The following CLASP1 variants were observed in gnomAD, a reference collection of about 807,000 sequenced individuals.
The protein encoded by CLASP1 is cytoplasmic linker associated protein 1, also known as CLIP-associating protein 1.
Under a neutral mutation model 192.3 loss-of-function variants are expected in CLASP1, and 38 were observed. That is an observed-to-expected ratio of 0.20 (90% CI 0.15 to 0.26). The LOEUF (loss-of-function observed/expected upper bound fraction) is 0.26, where lower values mean the gene tolerates loss of function less well. CLASP1 is among the 10% of genes least tolerant of loss of function. CLASP1 has a pLI of 1.00. For missense variants in CLASP1, 1,433 were observed against 1,932.5 expected (o/e 0.74, Z 4.85); for synonymous variants, 691 against 712.8 (o/e 0.97, Z 0.49).
chr2:121,607,700 G>A (rs1204488014), intron 1 of CLASP1, among the ~76,000 whole-genome samples: 1 of 152,098 alleles, frequency 6.6e-6, no homozygotes, highest in Non-Finnish European at 1.5e-5. Context: ...TTTCACACCA[G>A]TAGTAAGTCC....
Position 121,530,331 on chromosome 2 carries a change from G to C in CLASP1, c.196-6C>G. ...TCCATGCCCAGCAGAACCACCTGCA[G>C]CGGGAAACACCGGGAGCCTGTTAGC... On this transcript the variant is annotated splice_region_variant and splice_polypyrimidine_tract_variant and intron_variant, in intron 2 of 39. Transcript: ENST00000263710. The C allele has an allele frequency of 6.5e-7, 1 of 1,548,946 alleles. No individual in the cohort carries two copies.
chr2:121,455,240 CT>C (rs1490833952), intron 14 of CLASP1, among the ~76,000 whole-genome samples: 2 of 152,140 alleles, frequency 1.3e-5, no homozygotes. Flanking sequence ...GATTATTCTT[CT>C]TTTCTCTTTT....
intron 2 of CLASP1, among the ~76,000 whole-genome samples, chr2:121,587,411 TC>T (rs1319501983): frequency 1.3e-5 from 2 of 152,010 alleles, no homozygotes; most frequent in African/African-American, 4.8e-5. Flanking sequence ...CCCTACCACA[TC>T]CTCCTCTTAA....
rs942326759 is a variant in CLASP1, at chr2:121,530,938, T to A, written c.196-613A>T. 7.1e-6 allele frequency: 5 copies of A among 700,316 alleles called. No individual in the cohort carries two copies. Among genetic ancestry groups the A allele is most frequent in the Admixed American group, 6.0e-5 (3 of 49,994 alleles). The allele number at this position is 700,316 out of a possible 1,614,324, so 43.4% of individuals were successfully genotyped here. A position where few individuals can be genotyped will look rare whatever the true frequency, so the allele number is the denominator to read the frequency against. ...AATGAGCGCATAGTGAGGGCAGTAC[T>A]GCTAACGCCTGAACAACACACCCGC... On this transcript the variant is annotated intron_variant, in intron 2 of 39. Coordinates refer to ENST00000263710, the Ensembl canonical transcript of CLASP1.
In CLASP1 at chr2:121,500,368, G is replaced by GAA. The variant is rs1399268542; in HGVS notation, c.712+2797_712+2798dup. 2.6e-5 allele frequency among the ~76,000 whole-genome samples: 3 copies of GAA among 113,982 alleles called. No homozygotes were observed. The Admixed American group carries it at 2.8e-4, about 11-fold the overall frequency. The allele number at this position is 113,982 out of a possible 152,430, so 74.8% of individuals were successfully genotyped here. A position where few individuals can be genotyped will look rare whatever the true frequency, so the allele number is the denominator to read the frequency against. On this transcript the variant is annotated intron_variant, in intron 8 of 39. Coordinates refer to ENST00000263710, the Ensembl canonical transcript of CLASP1. ...AAAAAGAAAGAAAGAAAGAAAGAAAGAAAGAAAGAAAGAAAGAAAGAAAGA... is the reference window on the plus strand; with the variant it reads ...AAAAAGAAAGAAAGAAAGAAAGAAAGAAAAAGAAAGAAAGAAAGAAAGAAAGA...
At chr2:121,476,500 C>T (rs535378764) in intron 8 of CLASP1, among the ~76,000 whole-genome samples, 20 of 152,258 alleles carry the variant, frequency 1.3e-4, no homozygotes, top group Admixed American at 1.0e-3. Flanking sequence ...CCATACTGTT[C>T]GCTCGGAAAA....
chr2:121,611,907 G>C (rs2065620830), intron 1 of CLASP1, among the ~76,000 whole-genome samples: 1 of 149,408 alleles, frequency 6.7e-6, no homozygotes, highest in African/African-American at 2.5e-5. Flanking sequence ...AGAAGGAAGA[G>C]GAACTGGAGG....
intron 2 of CLASP1, among the ~76,000 whole-genome samples, chr2:121,559,264 T>C (rs933985655): frequency 6.6e-6 from 1 of 152,202 alleles, no homozygotes; most frequent in African/African-American, 2.4e-5. Flanking sequence ...TAAAATAATG[T>C]AGCCACTCTG....
intron 2 of CLASP1, among the ~76,000 whole-genome samples, chr2:121,559,066 G>C (rs779718689): frequency 6.6e-6 from 1 of 152,182 alleles, no homozygotes; most frequent in African/African-American, 2.4e-5. Flanking sequence ...TTAGAGCCAC[G>C]GCACTGTGAT....
intron 2 of CLASP1, among the ~76,000 whole-genome samples, chr2:121,554,231 A>G (rs1315881135): frequency 6.6e-6 from 1 of 152,110 alleles, no homozygotes; most frequent in Non-Finnish European, 1.5e-5. Flanking sequence ...TAAATTAAAA[A>G]GAAATAAATA....
intron 6 of CLASP1, among the ~76,000 whole-genome samples, chr2:121,519,219 G>T (rs902881528): frequency 6.6e-6 from 1 of 152,198 alleles, no homozygotes; most frequent in Non-Finnish European, 1.5e-5. Context: ...TGTAAACTGA[G>T]GGTTGCTCTG....
intron 28 of CLASP1, among the ~76,000 whole-genome samples, chr2:121,399,624 C>A (rs562939639): frequency 3.9e-5 from 6 of 152,296 alleles, no homozygotes; most frequent in African/African-American, 9.6e-5. Flanking sequence ...AACAGCTGTG[C>A]ATCTCAACTG....
At chr2:121,421,381 G>A (rs1473215933) in intron 22 of CLASP1, among the ~76,000 whole-genome samples, 1 of 151,586 alleles carries the variant, frequency 6.6e-6, no homozygotes, top group Non-Finnish European at 1.5e-5. Context: ...ACGAGTAGCT[G>A]GGATTACAGG....
chr2:121,583,665 A>G (rs2061437302), intron 2 of CLASP1, among the ~76,000 whole-genome samples: 1 of 152,188 alleles, frequency 6.6e-6, no homozygotes, highest in East Asian at 1.9e-4. Context: ...TATCAAAGCT[A>G]GTACCTCCCC....
intron 2 of CLASP1, among the ~76,000 whole-genome samples, chr2:121,568,784 A>G (rs982491318): frequency 6.6e-6 from 1 of 152,076 alleles, no homozygotes; most frequent in African/African-American, 2.4e-5. Flanking sequence ...AGAGCAAATC[A>G]GAGGAGAACT....
intron 12 of CLASP1, 68 bp from the exon 13 acceptor site, chr2:121,459,043 TA>T (rs2087288610): frequency 3.3e-6 from 4 of 1,199,222 alleles, no homozygotes; most frequent in Middle Eastern, 2.1e-4. Context: ...ATAAACCACT[TA>T]ACATCTAGAG....
intron 2 of CLASP1, among the ~76,000 whole-genome samples, chr2:121,587,890 C>T (rs906260168): frequency 2.0e-5 from 3 of 150,470 alleles, no homozygotes; most frequent in South Asian, 4.2e-4. Context: ...AGCTCAACAT[C>T]GGCCAGGCGC....
chr2:121,522,332 TAAG>T (rs2094476424), intron 6 of CLASP1, among the ~76,000 whole-genome samples: 1 of 151,912 alleles, frequency 6.6e-6, no homozygotes, highest in Non-Finnish European at 1.5e-5. Context: ...AAACAAATAA[TAAG>T]AAGTTTCTCA....
chr2:121,633,971 C>G (rs185311571), intron 1 of CLASP1, among the ~76,000 whole-genome samples: 19 of 151,102 alleles, frequency 1.3e-4, no homozygotes, highest in Non-Finnish European at 2.7e-4. Flanking sequence ...GCACTCCAGC[C>G]TGGGCGACAG....
Sources: allele counts gnomAD v4.1 joint callset (sites outside exome capture counted in the v4.1 genomes callset), GRCh38; gene constraint gnomAD v4.1.1; transcripts MANE v1.5; gene names NCBI Gene and HGNC (gene_info 2026-07-23, HGNC 2026-07-21).